SCFD2: variants seen among roughly 807,000 people sequenced by gnomAD.
The protein encoded by SCFD2 is sec1 family domain containing 2.
A neutral mutation model predicts 58.9 loss-of-function variants in SCFD2; 54 were observed. That is an observed-to-expected ratio of 0.92 (90% CI 0.74 to 1.15). The LOEUF (loss-of-function observed/expected upper bound fraction) is 1.15, where lower values mean the gene tolerates loss of function less well. Among genes scored for constraint, SCFD2 ranks in the 50% most tolerant of loss-of-function variants. SCFD2 has a pLI of 0.00. For synonymous variants in SCFD2, 321 were observed against 335.9 expected (o/e 0.96, Z 0.49); for missense variants, 805 against 836.6 (o/e 0.96, Z 0.47).
intron 5 of SCFD2, among the ~76,000 whole-genome samples, chr4:53,014,978 C>A (rs922904): frequency 6.6e-6 from 1 of 151,946 alleles, no homozygotes; most frequent in Admixed American, 6.6e-5. Context: ...TCCACTAGAA[C>A]GTTTTACTGG....
At chr4:53,126,749 C>A (rs745421960) in intron 5 of SCFD2, among the ~76,000 whole-genome samples, 18 of 152,156 alleles carry the variant, frequency 1.2e-4, no homozygotes, top group Non-Finnish European at 2.1e-4. Flanking sequence ...TGTGGGTGAG[C>A]CACACCTGCA....
At chr4:52,899,406 T>C (rs567386022) in intron 7 of SCFD2, among the ~76,000 whole-genome samples, 42 of 152,334 alleles carry the variant, frequency 2.8e-4, no homozygotes, top group African/African-American at 9.1e-4. Flanking sequence ...CCTTCACTTA[T>C]GAAGCTTAGT....
intron 4 of SCFD2, among the ~76,000 whole-genome samples, chr4:53,221,417 T>C (rs116060129): frequency 3.3e-5 from 5 of 152,358 alleles, no homozygotes; most frequent in Non-Finnish European, 5.9e-5. Context: ...TTCACGAAGA[T>C]CTTGCCTTGT....
At chr4:53,099,531 G>T (rs1471885527) in intron 5 of SCFD2, among the ~76,000 whole-genome samples, 1 of 152,202 alleles carries the variant, frequency 6.6e-6, no homozygotes, top group South Asian at 2.1e-4. Context: ...CATGGCGCCA[G>T]CATCTGCTTG....
intron 1 of SCFD2, among the ~76,000 whole-genome samples, chr4:53,359,677 G>T (rs139229619): frequency 1.1e-4 from 17 of 152,310 alleles, no homozygotes; most frequent in South Asian, 1.0e-3. Context: ...TTTGATGTAA[G>T]AAACCTCACC....
chr4:53,104,908 T>C (rs1463350631), intron 5 of SCFD2, among the ~76,000 whole-genome samples: 1 of 152,074 alleles, frequency 6.6e-6, no homozygotes, highest in African/African-American at 2.4e-5. Context: ...GATGGCTGAA[T>C]AGGAACAGCT....
At chr4:53,238,961 C>T (rs200246451) in intron 4 of SCFD2, among the ~76,000 whole-genome samples, 4 of 151,928 alleles carry the variant, frequency 2.6e-5, no homozygotes, top group Admixed American at 2.0e-4. Context: ...GACGGGGTGG[C>T]GGCCGGGCAG....
intron 4 of SCFD2, among the ~76,000 whole-genome samples, chr4:53,221,571 T>G (rs903449455): frequency 2.0e-5 from 3 of 152,246 alleles, no homozygotes; most frequent in Admixed American, 2.0e-4. Context: ...CAATAGTGAT[T>G]TGTGACATGA....
At chr4:53,180,772 G>T (rs866519222) in intron 4 of SCFD2, among the ~76,000 whole-genome samples, 1 of 151,740 alleles carries the variant, frequency 6.6e-6, no homozygotes, top group Admixed American at 6.6e-5. Flanking sequence ...TAATAAAGAA[G>T]AAAAGAGAGA....
At chr4:53,022,728 T>C (rs1015868309) in intron 5 of SCFD2, among the ~76,000 whole-genome samples, 2 of 152,182 alleles carry the variant, frequency 1.3e-5, no homozygotes, top group Admixed American at 6.5e-5. Context: ...AATGAGATAA[T>C]ACTTAAGAGG....
At chr4:53,311,783 G>A (rs1328036862) in intron 3 of SCFD2, among the ~76,000 whole-genome samples, 6 of 151,736 alleles carry the variant, frequency 4.0e-5, no homozygotes, top group East Asian at 1.9e-4. Context: ...CTACAGGTGC[G>A]CGCCACCACA....
At position 53,301,743 on chromosome 4, in the gene SCFD2, C is replaced by T. The variant is rs576630198; in HGVS notation, c.1135+11893G>A. ...CTGAATCCAGCAACACATCAAAAAGCTTATCCACCATGATCAAGTGGGCTT... is the reference window on the plus strand; with the variant it reads ...CTGAATCCAGCAACACATCAAAAAGTTTATCCACCATGATCAAGTGGGCTT... On this transcript the variant is annotated intron_variant, in intron 3 of 8. Transcript: ENST00000401642. Among the ~76,000 whole-genome samples the T allele has an allele frequency of 7.9e-5, 12 of 152,266 alleles. No homozygotes were observed. In the East Asian group the frequency reaches 2.3e-3, roughly 29 times the overall value.
chr4:52,896,754 C>T lies in SCFD2; in HGVS notation c.1842+10703G>A, dbSNP rs1015551247. Reference sequence around the variant, plus strand: ...TGAATCTATAAATTACCTTGGGCAGCATGGCCATTTTCACGATATTGATTC... The same window carrying T: ...TGAATCTATAAATTACCTTGGGCAGTATGGCCATTTTCACGATATTGATTC... On this transcript the variant is annotated intron_variant, in intron 7 of 8. Transcript: ENST00000401642. 1.1e-4 allele frequency among the ~76,000 whole-genome samples: 16 copies of T among 152,252 alleles called. No homozygotes were observed. In the South Asian group the frequency reaches 2.5e-3, roughly 24 times the overall value.
intron 5 of SCFD2, among the ~76,000 whole-genome samples, chr4:53,106,210 C>A (rs1296681047): frequency 6.6e-6 from 1 of 152,194 alleles, no homozygotes; most frequent in African/African-American, 2.4e-5. Context: ...AAAACCCGAT[C>A]TGAAGGTCAC....
At chr4:53,319,515 G>A (rs1186565804) in intron 2 of SCFD2, among the ~76,000 whole-genome samples, 1 of 150,742 alleles carries the variant, frequency 6.6e-6, no homozygotes, top group Non-Finnish European at 1.5e-5. Flanking sequence ...AAAGAAAGAA[G>A]GGGAAATAGC....
chr4:53,134,706 A>G (rs1725888298), intron 5 of SCFD2, among the ~76,000 whole-genome samples: 1 of 152,260 alleles, frequency 6.6e-6, no homozygotes, highest in Non-Finnish European at 1.5e-5. Flanking sequence ...CCATCTTGAC[A>G]GAACATGAGG....
At chr4:53,248,850 G>T (rs1252669963) in intron 4 of SCFD2, among the ~76,000 whole-genome samples, 1 of 152,134 alleles carries the variant, frequency 6.6e-6, no homozygotes, top group African/African-American at 2.4e-5. Context: ...CCACAAAGAT[G>T]GGGAAAAAAC....
At position 53,273,822 on chromosome 4, in the gene SCFD2, A is replaced by T; in HGVS notation, c.1311+4T>A. On this transcript the variant is annotated splice_donor_region_variant and intron_variant, in intron 4 of 8. Coordinates refer to ENST00000401642, the MANE Select transcript of SCFD2 (RefSeq NM_152540.4). ...GATCCCACGAGGTTCCCATAGCAAC[A>T]TACCTGAAGAAGGAGCCTTTCAAAA... 6.2e-7 allele frequency: 1 copy of T among 1,610,056 alleles called. No individual in the cohort carries two copies. The highest frequency in any genetic ancestry group is 8.5e-7 in the Non-Finnish European group (1 of 1,178,204).
At chr4:53,191,551 T>C (rs1282711577) in intron 4 of SCFD2, among the ~76,000 whole-genome samples, 2 of 151,752 alleles carry the variant, frequency 1.3e-5, no homozygotes, top group African/African-American at 4.8e-5. Flanking sequence ...GGATTACAGG[T>C]GCATGCCACC....
Sources: allele counts gnomAD v4.1 joint callset (sites outside exome capture counted in the v4.1 genomes callset), GRCh38; gene constraint gnomAD v4.1.1; transcripts MANE v1.5; gene names NCBI Gene and HGNC (gene_info 2026-07-23, HGNC 2026-07-21).